Variants in CAST observed in about 807,000 individuals in gnomAD.
The protein encoded by CAST is MIR583 host.
Under a neutral mutation model 119.6 loss-of-function variants are expected in CAST, and 76 were observed. The ratio of observed to expected loss-of-function variants is 0.64; its 90% CI spans 0.53 to 0.77. The LOEUF (loss-of-function observed/expected upper bound fraction) is 0.77, where lower values mean the gene tolerates loss of function less well. Among genes scored for constraint, CAST ranks in the 30% least tolerant of loss-of-function variants. The probability of loss-of-function intolerance (pLI) is 0.00; values close to 1 mark genes in which losing one functional copy is unlikely to be tolerated. For missense variants in CAST, 953 were observed against 946.5 expected (o/e 1.01, Z -0.09); for synonymous variants, 319 against 331.6 (o/e 0.96, Z 0.41).
At chr5:96,446,319 A>G in the CAST span, among the ~76,000 whole-genome samples, 2 of 152,186 alleles carry the variant, frequency 1.3e-5, no homozygotes, top group Non-Finnish European at 2.9e-5. Context: ...TTTCATAACC[A>G]TGTATTACAT....
chr5:96,008,522 G>T, the CAST span, among the ~76,000 whole-genome samples: 13 of 151,864 alleles, frequency 8.6e-5, no homozygotes, highest in Non-Finnish European at 1.9e-4. Flanking sequence ...GTTTTTTTTA[G>T]GGGGAGAAGG....
At chr5:96,194,343 A>G in the CAST span, among the ~76,000 whole-genome samples, 2 of 152,200 alleles carry the variant, frequency 1.3e-5, no homozygotes, top group African/African-American at 4.8e-5. Context: ...ATTTCTGGTG[A>G]TGGGCCCTGG....
the CAST span, among the ~76,000 whole-genome samples, chr5:96,370,088 A>T: frequency 1.3e-5 from 2 of 151,938 alleles, no homozygotes; most frequent in Non-Finnish European, 2.9e-5. Context: ...AAGGATTATC[A>T]CCATTTTCCT....
At chr5:96,483,874 G>A in the CAST span, among the ~76,000 whole-genome samples, 1 of 152,144 alleles carries the variant, frequency 6.6e-6, no homozygotes, top group Non-Finnish European at 1.5e-5. Context: ...CTAGTGAAGT[G>A]CTGAGTCAAG....
chr5:96,343,898 T>A, the CAST span, among the ~76,000 whole-genome samples: 1 of 152,220 alleles, frequency 6.6e-6, no homozygotes, highest in Admixed American at 6.6e-5. Flanking sequence ...AAATTTACCA[T>A]CAGTCTCCTT....
At chr5:96,745,764 C>T (rs749865203) in intron 16 of CAST, among the ~76,000 whole-genome samples, 4 of 152,116 alleles carry the variant, frequency 2.6e-5, no homozygotes, top group Non-Finnish European at 4.4e-5. Context: ...TGAAGAGAGT[C>T]CTTTTAAAAG....
chr5:96,504,377 AACACAGATGTGCTTGCACATTTCCACCC>A, the CAST span, among the ~76,000 whole-genome samples: 1 of 152,220 alleles, frequency 6.6e-6, no homozygotes, highest in Non-Finnish European at 1.5e-5. Flanking sequence ...TCCAAGAGGT[AACACAGATGTGCTTGCACATTTCCACCC>A]ACACAGGAAC....
the CAST span, among the ~76,000 whole-genome samples, chr5:96,188,040 G>A: frequency 6.6e-6 from 1 of 152,152 alleles, no homozygotes; most frequent in Non-Finnish European, 1.5e-5. Context: ...ACCCACCTGG[G>A]ACTGCCACAT....
At chr5:96,182,953 A>C in the CAST span, among the ~76,000 whole-genome samples, 1 of 151,912 alleles carries the variant, frequency 6.6e-6, no homozygotes, top group Non-Finnish European at 1.5e-5. Context: ...CCTGGCTAAC[A>C]CAGTGAAACT....
At chr5:96,269,657 T>C in the CAST span, among the ~76,000 whole-genome samples, 1 of 152,182 alleles carries the variant, frequency 6.6e-6, no homozygotes, top group East Asian at 1.9e-4. Flanking sequence ...TTGGAAAACC[T>C]AGAAAAGTTT....
At chr5:96,156,530 T>A in the CAST span, among the ~76,000 whole-genome samples, 1 of 152,210 alleles carries the variant, frequency 6.6e-6, no homozygotes, top group Non-Finnish European at 1.5e-5. Context: ...TATGAATGTT[T>A]AGAAAATGGT....
chr5:96,121,614 T>A, the CAST span, among the ~76,000 whole-genome samples: 1 of 152,182 alleles, frequency 6.6e-6, no homozygotes, highest in African/African-American at 2.4e-5. Context: ...GAAATACAAT[T>A]GATCATCCTA....
At chr5:96,217,552 C>T in the CAST span, among the ~76,000 whole-genome samples, 1 of 152,062 alleles carries the variant, frequency 6.6e-6, no homozygotes, top group South Asian at 2.1e-4. Flanking sequence ...ATGAAAAAGG[C>T]AAATTATGTG....
chr5:96,260,286 T>A, the CAST span, among the ~76,000 whole-genome samples: 1 of 152,338 alleles, frequency 6.6e-6, no homozygotes, highest in South Asian at 2.1e-4. Context: ...TGATCCGGTC[T>A]AGAGAATCAT....
chr5:96,740,026 A>G lies in CAST; in HGVS notation c.799-12A>G, dbSNP rs775573279. 14 of 1,416,608 alleles carry G rather than the reference A, an allele frequency of 9.9e-6. No individual in the cohort carries two copies. The highest frequency in any genetic ancestry group is 1.4e-5 in the Non-Finnish European group (14 of 1,012,878). The allele number at this position is 1,416,608 out of a possible 1,614,324, so 87.8% of individuals were successfully genotyped here. A position where few individuals can be genotyped will look rare whatever the true frequency, so the allele number is the denominator to read the frequency against. ...ATTATATAATATCCCTATGTGTATG[A>G]TTTTGTTCCAGGATCCAATGAGTTC... On this transcript the variant is annotated splice_polypyrimidine_tract_variant and intron_variant, in intron 11 of 31. Coordinates refer to ENST00000675179, the MANE Select transcript of CAST (RefSeq NM_001750.7).
chr5:96,658,537 G>A (rs1465505452), upstream of CAST, among the ~76,000 whole-genome samples: 1 of 152,090 alleles, frequency 6.6e-6, no homozygotes, highest in Admixed American at 6.5e-5. Flanking sequence ...TTCATTGATT[G>A]GACAGGAGGT....
the CAST span, among the ~76,000 whole-genome samples, chr5:96,435,787 T>A: frequency 6.6e-6 from 1 of 152,212 alleles, no homozygotes; most frequent in East Asian, 1.9e-4. Context: ...TTCATTAAGG[T>A]TTCTTGGAGA....
At chr5:96,448,633 A>G in the CAST span, among the ~76,000 whole-genome samples, 1 of 152,056 alleles carries the variant, frequency 6.6e-6, no homozygotes, top group Middle Eastern at 3.2e-3. Flanking sequence ...AAACTCTTGA[A>G]GCTCTTGGTG....
In CAST at chr5:96,773,906, G is replaced by A. The variant is rs1057569; in HGVS notation, c.*1290G>A. On this transcript the variant is annotated 3_prime_UTR_variant, in exon 32 of 32. Transcript: ENST00000675179. ...TGACTTAGCTGACTTGTGGCAGCGG[G>A]GCAAGCAAAAACAATAACACTGCTT... 0.22 allele frequency: 34,203 copies of A among 152,094 alleles called. 4,336 individuals are homozygous for A. The highest frequency in any genetic ancestry group is 0.3 in the Non-Finnish European group (20,601 of 67,938). The allele number at this position is 152,094 out of a possible 1,614,324, so 9.4% of individuals were successfully genotyped here.
Sources: gnomAD v4.1 joint callset for allele counts (sites outside exome capture counted in the v4.1 genomes callset) on GRCh38, gnomAD v4.1.1 for gene constraint, MANE v1.5 for transcripts, NCBI Gene and HGNC (gene_info 2026-07-23, HGNC 2026-07-21) for gene names.